Variants in ANXA8 observed in about 807,000 individuals in gnomAD.
The protein encoded by ANXA8 is annexin A8.
In ANXA8, 9 loss-of-function variants were observed where a neutral mutation model predicts 26.8. The observed-to-expected ratio is 0.34, with a 90% CI of 0.20 to 0.59. The LOEUF (loss-of-function observed/expected upper bound fraction) is 0.59, where lower values mean the gene tolerates loss of function less well. Among genes scored for constraint, ANXA8 ranks in the 20% least tolerant of loss-of-function variants. The pLI is 0.84. For synonymous variants in ANXA8, 39 were observed against 94.8 expected, an observed-to-expected ratio of 0.41 and a Z score of 3.42; for missense variants, 83 against 238.5, an observed-to-expected ratio of 0.35 and a Z score of 4.29.
the ANXA8 span, among the ~76,000 whole-genome samples, chr10:47,673,353 G>A: frequency 6.6e-3 from 1,007 of 151,556 alleles, 14 homozygotes; most frequent in African/African-American, 0.023. Context: ...TTTCAGTTCT[G>A]GAATGCTGCA....
At chr10:47,549,420 G>A in the ANXA8 span, 2 of 1,140,248 alleles carry the variant, frequency 1.8e-6, no homozygotes, top group Non-Finnish European at 2.6e-6. Context: ...ACTTTAAAAA[G>A]ACCCTGAAAA....
At chr10:47,656,246 A>C in the ANXA8 span, among the ~76,000 whole-genome samples, 7 of 151,372 alleles carry the variant, frequency 4.6e-5, no homozygotes, top group Admixed American at 2.6e-4. Flanking sequence ...AAAATACAAA[A>C]AATTAGTCAG....
chr10:47,569,717 T>C, the ANXA8 span: 1 of 547,470 alleles, frequency 1.8e-6, no homozygotes, highest in Non-Finnish European at 3.3e-6. Flanking sequence ...CACATAGATT[T>C]TGGCATAAAG....
At chr10:47,525,424 A>C in the ANXA8 span, among the ~76,000 whole-genome samples, 1 of 142,624 alleles carries the variant, frequency 7.0e-6, no homozygotes, top group Admixed American at 7.0e-5. Flanking sequence ...AAACAAAACA[A>C]AACCCTATAA....
chr10:47,500,692 G>A, the ANXA8 span, among the ~76,000 whole-genome samples: 2 of 109,756 alleles, frequency 1.8e-5, no homozygotes, highest in African/African-American at 3.7e-5. Context: ...TAATGGAAGT[G>A]GTTACTGCTG....
the ANXA8 span, among the ~76,000 whole-genome samples, chr10:47,700,082 C>T: frequency 6.6e-6 from 1 of 151,876 alleles, no homozygotes; most frequent in Non-Finnish European, 1.5e-5. Context: ...TCAGTTCTTC[C>T]TAAGTTAATA....
the ANXA8 span, among the ~76,000 whole-genome samples, chr10:47,558,253 G>A: frequency 1.4e-4 from 22 of 151,970 alleles, 1 homozygote; most frequent in African/African-American, 1.7e-4. Flanking sequence ...AATAATAAAC[G>A]TCATGGGTGG....
At chr10:47,694,537 C>T in the ANXA8 span, among the ~76,000 whole-genome samples, 3 of 150,834 alleles carry the variant, frequency 2.0e-5, no homozygotes, top group East Asian at 3.9e-4. Flanking sequence ...TCTCCTGCCT[C>T]GGCCTCCCAA....
the ANXA8 span, among the ~76,000 whole-genome samples, chr10:47,610,602 T>C: frequency 2.4e-5 from 3 of 127,096 alleles, no homozygotes; most frequent in Admixed American, 2.4e-4. Context: ...TATTTATATA[T>C]ATATATAATT....
the ANXA8 span, among the ~76,000 whole-genome samples, chr10:47,900,737 C>T: frequency 3.0e-5 from 3 of 98,694 alleles, no homozygotes; most frequent in African/African-American, 1.5e-4. Flanking sequence ...TTTCTCCTTA[C>T]CAGAATCTCA....
At chr10:47,988,623 G>T in the ANXA8 span, among the ~76,000 whole-genome samples, 1 of 135,714 alleles carries the variant, frequency 7.4e-6, no homozygotes, top group Non-Finnish European at 1.6e-5. Context: ...ACAGCACCTG[G>T]GGTGAAGGAG....
At chr10:47,470,264 TG>T (rs1369497742) in intron 11 of ANXA8, among the ~76,000 whole-genome samples, 3 of 151,432 alleles carry the variant, frequency 2.0e-5, no homozygotes, top group African/African-American at 7.4e-5. Context: ...AATGTATTCA[TG>T]ATTCTAACTC....
the ANXA8 span, among the ~76,000 whole-genome samples, chr10:47,775,110 CA>C: frequency 6.6e-6 from 1 of 151,644 alleles, no homozygotes; most frequent in African/African-American, 2.4e-5. Context: ...GCCGGGCTCA[CA>C]CCTGTAATCC....
the ANXA8 span, among the ~76,000 whole-genome samples, chr10:47,660,202 A>G: frequency 1.4e-5 from 2 of 146,940 alleles, no homozygotes; most frequent in African/African-American, 5.2e-5. Flanking sequence ...AATAAATGTT[A>G]TTATTTTAAG....
At chr10:47,941,269 A>T in the ANXA8 span, among the ~76,000 whole-genome samples, 2 of 146,084 alleles carry the variant, frequency 1.4e-5, no homozygotes, top group Non-Finnish European at 3.0e-5. Context: ...CTCCGAGAGG[A>T]CCAGTACCTA....
the ANXA8 span, among the ~76,000 whole-genome samples, chr10:47,554,124 A>C: frequency 7.0e-6 from 1 of 143,736 alleles, no homozygotes; most frequent in Non-Finnish European, 1.5e-5. Context: ...TAAATAAATA[A>C]ATAAATAAAT....
At chr10:47,769,713 G>A in the ANXA8 span, among the ~76,000 whole-genome samples, 3 of 152,308 alleles carry the variant, frequency 2.0e-5, no homozygotes, top group South Asian at 2.1e-4. Flanking sequence ...GAGCCTGTGG[G>A]AAGGCTGTTC....
the ANXA8 span, among the ~76,000 whole-genome samples, chr10:47,525,847 CAGGCT>C: frequency 8.1e-6 from 1 of 123,324 alleles, no homozygotes; most frequent in Non-Finnish European, 1.7e-5. Context: ...TCTTGTTGCC[CAGGCT>C]GGACTGCAAT....
At chr10:47,991,552 C>T in the ANXA8 span, 3 of 1,589,660 alleles carry the variant, frequency 1.9e-6, no homozygotes. Flanking sequence ...CCATGCTTGG[C>T]CCAGGAGGCA....
Sources: gnomAD v4.1 joint callset for allele counts (sites outside exome capture counted in the v4.1 genomes callset) on GRCh38, gnomAD v4.1.1 for gene constraint, MANE v1.5 for transcripts, NCBI Gene and HGNC (gene_info 2026-07-23, HGNC 2026-07-21) for gene names.